Variants in PADI3 observed in about 807,000 individuals in gnomAD.
PADI3 encodes peptidyl arginine deiminase 3.
PADI3 carries 53 observed loss-of-function variants against 71.5 expected under a neutral mutation model. The observed-to-expected ratio is 0.74, with a 90% CI of 0.59 to 0.93. The LOEUF (loss-of-function observed/expected upper bound fraction) is 0.93, where lower values mean the gene tolerates loss of function less well. PADI3 is among the 40% of genes least tolerant of loss of function. The pLI, the probability that PADI3 is intolerant of heterozygous loss-of-function variation, is 0.00. For missense variants in PADI3, 821 were observed against 868.0 expected (o/e 0.95, Z 0.68); for synonymous variants, 361 against 347.5 (o/e 1.04, Z -0.43).
At chr1:17,276,450 C>A (rs1239245733) in intron 11 of PADI3, 69 bp from the exon 12 acceptor site, 1 of 1,534,648 alleles carries the variant, frequency 6.5e-7, no homozygotes, top group Non-Finnish European at 8.9e-7. Flanking sequence ...ATGCTAAACT[C>A]TTGTCATTTT....
At chr1:17,254,899 G>A (rs113049463) in intron 1 of PADI3, among the ~76,000 whole-genome samples, 14,008 of 151,972 alleles carry the variant, frequency 0.092, 682 homozygotes, top group South Asian at 0.2. Flanking sequence ...TATTTTTAGT[G>A]GAGACGTGGT....
At chr1:17,250,013 T>G (rs575749457) in intron 1 of PADI3, among the ~76,000 whole-genome samples, 1 of 152,374 alleles carries the variant, frequency 6.6e-6, no homozygotes, top group East Asian at 1.9e-4. Flanking sequence ...GTCATGCCTT[T>G]GAGGCCCATG....
Position 17,283,387 on chromosome 1 carries a change from G to T in PADI3, c.*308G>T. The T allele has an allele frequency of 3.0e-6, 1 of 330,258 alleles. No homozygotes were observed. Among genetic ancestry groups the T allele is most frequent in the Non-Finnish European group, 5.7e-6 (1 of 176,758 alleles). 20.5% of individuals were successfully genotyped at this position (330,258 alleles called of 1,614,324 possible). On this transcript the variant is annotated 3_prime_UTR_variant, in exon 16 of 16. Coordinates refer to ENST00000375460, the MANE Select transcript of PADI3 (RefSeq NM_016233.2). ...CTCACTCTGAAATCATCCATTTGGG[G>T]ACAAATCCACATTGGGGTCTAGAAA...
chr1:17,260,998 G>T (rs149778933), intron 2 of PADI3, among the ~76,000 whole-genome samples: 131 of 152,278 alleles, frequency 8.6e-4, no homozygotes, highest in South Asian at 7.7e-3. Flanking sequence ...CCTGCCTTTG[G>T]CCAGGATCCC....
chr1:17,282,919 G>A lies in PADI3; in HGVS notation c.1835G>A (p.Cys612Tyr). The A allele has an allele frequency of 1.2e-6, 2 of 1,614,134 alleles. No homozygotes were observed. Among genetic ancestry groups the A allele is most frequent in the Admixed American group, 3.3e-5 (2 of 60,020 alleles). ...GGGCCCATCATCAATGGCTGCTGCTGCCTGGAGGAGAAGGTGCGGTCCCTG... is the reference window on the plus strand; with the variant it reads ...GGGCCCATCATCAATGGCTGCTGCTACCTGGAGGAGAAGGTGCGGTCCCTG... ...PFGPIINGCC[C>Y]LEEKVRSLLE... is the part of the protein sequence containing the mutation. The change falls in exon 16 of 16, where the codon TGC (cysteine) becomes TAC (tyrosine). Residue 612 changes from cysteine (C) to tyrosine (Y), a missense_variant. Cys to Tyr is a radical substitution (Grantham distance 194). Transcript: ENST00000375460.
Position 17,270,360 on chromosome 1 carries a change from C to T in PADI3, c.780C>T (p.Gly260=), listed in dbSNP as rs761618192. The change falls in exon 7 of 16, where the codon GGC becomes GGT. Residue 260 remains glycine (G), a synonymous_variant. Coordinates refer to ENST00000375460, the MANE Select transcript of PADI3 (RefSeq NM_016233.2). ...AAGGCCTGTCCTTCCCTGATGCCGG[C>T]TTCACAGGACTCATCTCCTTCCATG... The part of the protein sequence containing the change: ...FVEGLSFPDA[G]FTGLISFHVT... The T allele has an allele frequency of 5.0e-6, 8 of 1,613,878 alleles. No homozygotes were observed. In the South Asian group the frequency reaches 7.7e-5, roughly 16 times the overall value.
At chr1:17,280,116 A>T (rs895667492) in intron 13 of PADI3, among the ~76,000 whole-genome samples, 4 of 152,218 alleles carry the variant, frequency 2.6e-5, no homozygotes, top group Non-Finnish European at 5.9e-5. Context: ...TAAAGGTCTC[A>T]GTTCATTCCA....
At chr1:17,276,336 CA>C (rs911321064) in intron 11 of PADI3, among the ~76,000 whole-genome samples, 182 bp from the exon 12 acceptor site, 26 of 152,010 alleles carry the variant, frequency 1.7e-4, no homozygotes, top group African/African-American at 6.3e-4. Flanking sequence ...GATTCCATCT[CA>C]AAAATAAATA....
chr1:17,252,734 T>C (rs2072981625), intron 1 of PADI3, among the ~76,000 whole-genome samples: 1 of 152,132 alleles, frequency 6.6e-6, no homozygotes, highest in Non-Finnish European at 1.5e-5. Context: ...AAAATCAAAA[T>C]CCCAGGATGA....
At position 17,280,425 on chromosome 1, in the gene PADI3, T is replaced by A; in HGVS notation, c.1631T>A (p.Val544Glu). ...NKDLINYNKFVQSCIDWNREV... is the reference protein window; with the variant it reads ...NKDLINYNKFEQSCIDWNREV... ...GACCTCATCAACTACAATAAGTTTG[T>A]GCAGGTACAAGGGCTGTGGTGTACC... is the stretch of plus-strand genomic sequence containing the variant. Residue 544 changes from valine (V) to glutamate (E), a missense_variant, in exon 14 of 16, where the codon GTG becomes GAG. Coordinates refer to ENST00000375460, the MANE Select transcript of PADI3 (RefSeq NM_016233.2). The A allele has an allele frequency of 6.2e-7, 1 of 1,613,534 alleles. No individual in the cohort carries two copies. Among genetic ancestry groups the A allele is most frequent in the Non-Finnish European group, 8.5e-7 (1 of 1,179,430 alleles).
Position 17,262,203 on chromosome 1 carries a change from T to C in PADI3, c.344T>C (p.Val115Ala). The change falls in exon 3 of 16, where the codon GTT becomes GCT. Residue 115 changes from valine (V) to alanine (A), a missense_variant and splice_region_variant. By Grantham distance (64) the Val-to-Ala change is moderately conservative. Transcript: ENST00000375460. ...TATGCGGTGCTCTACCTCACCTGTG[T>C]TGGTAAGTTGGGGGCCATGTTGATG... is the stretch of plus-strand genomic sequence containing the variant. Reference protein sequence around the residue: ...LAYAVLYLTCVDISLDCDLNC... With the variant: ...LAYAVLYLTCADISLDCDLNC... 1 of 1,606,800 alleles carries C rather than the reference T, an allele frequency of 6.2e-7. No individual in the cohort carries two copies. Among genetic ancestry groups the C allele is most frequent in the Non-Finnish European group, 8.5e-7 (1 of 1,177,316 alleles).
chr1:17,276,463 T>C (rs2073331350), intron 11 of PADI3, 56 bp from the exon 12 acceptor site: 3 of 1,587,024 alleles, frequency 1.9e-6, no homozygotes, highest in Non-Finnish European at 2.6e-6. Context: ...GTCATTTTAT[T>C]TCTGCATGGA....
At chr1:17,274,511 G>C in intron 10 of PADI3, 124 bp from the exon 11 acceptor site, 1 of 809,342 alleles carries the variant, frequency 1.2e-6, no homozygotes, top group South Asian at 1.7e-5. Flanking sequence ...CAATGACTCT[G>C]TATTTCCACC....
At chr1:17,258,637 C>T (rs2073058729) in intron 1 of PADI3, among the ~76,000 whole-genome samples, 1 of 152,242 alleles carries the variant, frequency 6.6e-6, no homozygotes, top group Non-Finnish European at 1.5e-5. Flanking sequence ...GTGATGCAAC[C>T]TCAGGCTTGT....
chr1:17,259,069 T>C (rs1290082410), intron 1 of PADI3, among the ~76,000 whole-genome samples: 3 of 152,216 alleles, frequency 2.0e-5, no homozygotes, highest in African/African-American at 7.2e-5. Context: ...ACTGTGTGTA[T>C]GTTTTTTTGT....
intron 3 of PADI3, 115 bp from the exon 4 acceptor site, chr1:17,265,544 G>A (rs2073156486): frequency 2.3e-6 from 2 of 887,514 alleles, no homozygotes; most frequent in East Asian, 2.4e-5. Flanking sequence ...CCTCTTGGAT[G>A]GTGTCTCCTT....
chr1:17,252,689 C>T (rs2072981185), intron 1 of PADI3, among the ~76,000 whole-genome samples: 1 of 152,204 alleles, frequency 6.6e-6, no homozygotes. Context: ...CAGGTGAGAG[C>T]CACCGTGTCT....
Position 17,279,694 on chromosome 1 carries a change from G to A in PADI3, c.1556-656G>A, listed in dbSNP as rs114580042. 9.6e-3 allele frequency among the ~76,000 whole-genome samples: 1,462 copies of A among 152,282 alleles called. 10 individuals carry two copies. Among genetic ancestry groups the A allele is most frequent in the Non-Finnish European group, 0.013 (913 of 68,026 alleles). ...TAATGCATACCTTGTGGGGGTCACC[G>A]TGAGGGTTAAATGAGATGCTGAACC... On this transcript the variant is annotated intron_variant, in intron 13 of 15. Coordinates refer to ENST00000375460, the MANE Select transcript of PADI3 (RefSeq NM_016233.2).
At chr1:17,279,196 G>A (rs2073370845) in intron 13 of PADI3, among the ~76,000 whole-genome samples, 1 of 152,150 alleles carries the variant, frequency 6.6e-6, no homozygotes, top group Non-Finnish European at 1.5e-5. Flanking sequence ...CCACCCTCGA[G>A]GGCTGACACT....
Sources: allele counts gnomAD v4.1 joint callset (sites outside exome capture counted in the v4.1 genomes callset), GRCh38; gene constraint gnomAD v4.1.1; transcripts MANE v1.5; gene names NCBI Gene and HGNC (gene_info 2026-07-23, HGNC 2026-07-21).